Variants in AKAP6 observed in about 807,000 individuals in gnomAD.
AKAP6 encodes the protein A-kinase anchor protein 6.
In AKAP6, 58 loss-of-function variants were observed where a neutral mutation model predicts 188.5. The observed-to-expected ratio is 0.31, with a 90% CI of 0.25 to 0.38. The LOEUF is 0.38. Ranked by LOEUF, AKAP6 falls within the 10% of genes least tolerant of loss-of-function variation. The pLI, the probability that AKAP6 is intolerant of heterozygous loss-of-function variation, is 1.00. For synonymous variants in AKAP6, 989 were observed against 998.6 expected (o/e 0.99, Z 0.18); for missense variants, 2,710 against 2,740.0 (o/e 0.99, Z 0.24).
Position 32,770,228 on chromosome 14 carries a change from C to T in AKAP6, c.3373-3450C>T, listed in dbSNP as rs74041700. Among the ~76,000 whole-genome samples, 246 of 152,168 alleles carry T rather than the reference C, an allele frequency of 1.6e-3. 2 individuals are homozygous for T. The highest frequency in any genetic ancestry group is 5.8e-3 in the African/African-American group (239 of 41,516). On this transcript the variant is annotated intron_variant, in intron 11 of 13. Transcript: ENST00000280979. ...TTGGTAACTACCTTATAATGTGGAT[C>T]GGAGATCATTATAAAGGGGGAAAAA...
intron 4 of AKAP6, among the ~76,000 whole-genome samples, chr14:32,563,625 A>G (rs531176553): frequency 6.6e-6 from 1 of 151,980 alleles, no homozygotes; most frequent in South Asian, 2.1e-4. Context: ...CTCCCATACA[A>G]CTCTCACCCA....
chr14:32,538,736 G>A (rs902470283), intron 3 of AKAP6, among the ~76,000 whole-genome samples: 17 of 151,454 alleles, frequency 1.1e-4, no homozygotes, highest in African/African-American at 3.9e-4. Context: ...GGAAGGTGAG[G>A]GATATTAAAA....
intron 7 of AKAP6, among the ~76,000 whole-genome samples, chr14:32,669,552 A>T (rs1217459449): frequency 6.6e-6 from 1 of 152,190 alleles, no homozygotes; most frequent in Non-Finnish European, 1.5e-5. Context: ...GTGGAAAGGT[A>T]ATAATTCTAA....
chr14:32,604,660 T>C (rs1886061922), intron 7 of AKAP6, among the ~76,000 whole-genome samples: 2 of 152,186 alleles, frequency 1.3e-5, no homozygotes, highest in Admixed American at 6.5e-5. Flanking sequence ...TTAACTTCCC[T>C]GTGCCTCCGT....
chr14:32,643,215 C>A (rs541574190), intron 7 of AKAP6, among the ~76,000 whole-genome samples: 31 of 152,248 alleles, frequency 2.0e-4, no homozygotes, highest in African/African-American at 7.5e-4. Context: ...ACCCATCTAC[C>A]AGGATGGATA....
intron 7 of AKAP6, among the ~76,000 whole-genome samples, chr14:32,633,075 A>C (rs1241502864): frequency 3.9e-5 from 6 of 152,088 alleles, no homozygotes; most frequent in African/African-American, 1.4e-4. Context: ...TTCTCTGTTT[A>C]CTTTTTTCTA....
intron 2 of AKAP6, among the ~76,000 whole-genome samples, chr14:32,502,553 C>CAGAGA (rs1396799940): frequency 6.6e-5 from 10 of 152,264 alleles, no homozygotes; most frequent in African/African-American, 2.2e-4. Context: ...TACTCCAATG[C>CAGAGA]AGAGAGCTGG....
intron 1 of AKAP6, among the ~76,000 whole-genome samples, chr14:32,349,393 G>A (rs1887185659): frequency 6.6e-6 from 1 of 152,192 alleles, no homozygotes. Flanking sequence ...GCTTGGAAAG[G>A]AGGGAAAATG....
chr14:32,384,007 G>C lies in AKAP6; in HGVS notation c.-34-49453G>C, dbSNP rs535712015. ...GCCATTGTGCATGTAAGTGACCAAGGGTAGGCTGTTAATGGACTGGTTCAT... is the reference window on the plus strand; with the variant it reads ...GCCATTGTGCATGTAAGTGACCAAGCGTAGGCTGTTAATGGACTGGTTCAT... On this transcript the variant is annotated intron_variant, in intron 1 of 13. Coordinates refer to ENST00000280979, the MANE Select transcript of AKAP6 (RefSeq NM_004274.5). Among the ~76,000 whole-genome samples the C allele has an allele frequency of 1.1e-4, 16 of 152,250 alleles. No individual in the cohort carries two copies. The South Asian group carries it at 3.3e-3, about 32-fold the overall frequency.
At chr14:32,410,116 A>C (rs1257634179) in intron 1 of AKAP6, among the ~76,000 whole-genome samples, 2 of 150,958 alleles carry the variant, frequency 1.3e-5, no homozygotes, top group Non-Finnish European at 3.0e-5. Context: ...TCTTCTGGGA[A>C]AAATCGACAT....
intron 1 of AKAP6, among the ~76,000 whole-genome samples, chr14:32,367,760 T>A (rs1321738424): frequency 6.6e-6 from 1 of 152,202 alleles, no homozygotes; most frequent in Non-Finnish European, 1.5e-5. Context: ...CAGTGAGGTA[T>A]GCACTGGGGC....
At position 32,823,426 on chromosome 14, in the gene AKAP6, G is replaced by A. The variant is rs760963923; in HGVS notation, c.5613G>A (p.Glu1871=). The stretch of plus-strand genomic sequence containing the variant: ...GTAAGAATTCATCTCATACCCATGA[G>A]TTAGGGACAAAGCGTGAAAATAAGA... ...GNGKNSSHTH[E]LGTKRENKKT... The change falls in exon 13 of 14, where the codon GAG becomes GAA. Residue 1871 remains glutamate, a synonymous_variant. Transcript: ENST00000280979. 1.9e-6 allele frequency: 3 copies of A among 1,613,722 alleles called. No individual in the cohort carries two copies. The highest frequency in any genetic ancestry group is 8.5e-7 in the Non-Finnish European group (1 of 1,179,888).
chr14:32,393,194 A>C (rs996663804), intron 1 of AKAP6, among the ~76,000 whole-genome samples: 1 of 152,188 alleles, frequency 6.6e-6, no homozygotes, highest in Non-Finnish European at 1.5e-5. Flanking sequence ...CAAAGTTAAC[A>C]TTATCAATAT....
At chr14:32,389,560 C>A (rs1422033594) in intron 1 of AKAP6, among the ~76,000 whole-genome samples, 1 of 152,080 alleles carries the variant, frequency 6.6e-6, no homozygotes, top group Non-Finnish European at 1.5e-5. Flanking sequence ...ATTCTCTCAG[C>A]ATTTGTTTGT....
chr14:32,689,661 T>A (rs1383856669), intron 8 of AKAP6, among the ~76,000 whole-genome samples: 2 of 152,108 alleles, frequency 1.3e-5, no homozygotes, highest in Non-Finnish European at 2.9e-5. Flanking sequence ...GAAAGCTACA[T>A]TTTATTCTTT....
chr14:32,457,875 C>T (rs1891196929), intron 2 of AKAP6, among the ~76,000 whole-genome samples: 1 of 152,152 alleles, frequency 6.6e-6, no homozygotes, highest in Non-Finnish European at 1.5e-5. Context: ...TGCCTGAGAC[C>T]TCCTTCTCCT....
At chr14:32,378,110 A>G (rs1263201129) in intron 1 of AKAP6, among the ~76,000 whole-genome samples, 2 of 152,224 alleles carry the variant, frequency 1.3e-5, no homozygotes, top group African/African-American at 4.8e-5. Flanking sequence ...AAAATTTTTC[A>G]TAGTGACATT....
chr14:32,471,183 ATTTTGGATTCTTTAAAAACG>A (rs1278315481), intron 2 of AKAP6, among the ~76,000 whole-genome samples: 1 of 152,242 alleles, frequency 6.6e-6, no homozygotes, highest in East Asian at 1.9e-4. Flanking sequence ...GCAGTTTTGT[ATTTTGGATTCTTTAAAAACG>A]TTTCAATAAT....
At chr14:32,432,439 T>C (rs1452327942) in intron 1 of AKAP6, among the ~76,000 whole-genome samples, 1 of 152,220 alleles carries the variant, frequency 6.6e-6, no homozygotes, top group Non-Finnish European at 1.5e-5. Flanking sequence ...TTAACTTATT[T>C]GGTTAATATT....
Sources: gnomAD v4.1 joint callset for allele counts (sites outside exome capture counted in the v4.1 genomes callset) on GRCh38, gnomAD v4.1.1 for gene constraint, MANE v1.5 for transcripts, NCBI Gene and HGNC (gene_info 2026-07-23, HGNC 2026-07-21) for gene names.